OPHN1: variants seen among roughly 807,000 people sequenced by gnomAD.
OPHN1 encodes the protein oligophrenin 1.
A neutral mutation model predicts 60.7 loss-of-function variants in OPHN1; 11 were observed. The ratio of observed to expected loss-of-function variants is 0.18; its 90% CI spans 0.11 to 0.30. OPHN1 has a LOEUF of 0.30. Ranked by LOEUF, OPHN1 falls within the 10% of genes least tolerant of loss-of-function variation. The probability of loss-of-function intolerance (pLI) is 1.00; values close to 1 mark genes in which losing one functional copy is unlikely to be tolerated. For missense variants in OPHN1, 449 were observed against 611.0 expected (o/e 0.73, Z 2.80); for synonymous variants, 226 against 222.6 (o/e 1.02, Z -0.14).
At chrX:68,418,942 G>A (rs932440289) in intron 2 of OPHN1, among the ~76,000 whole-genome samples, 1 of 110,756 alleles carries the variant, frequency 9.0e-6, no homozygotes, top group African/African-American at 3.3e-5. Context: ...GGATGAAACT[G>A]GTTCCAAGCA....
chrX:68,414,541 T>C (rs1424799329), intron 2 of OPHN1, among the ~76,000 whole-genome samples: 1 of 112,549 alleles, frequency 8.9e-6, no homozygotes, highest in Non-Finnish European at 1.9e-5. Context: ...TTTTTTAAAA[T>C]ATATACTTAA....
At chrX:68,295,090 G>A (rs1003748224) in intron 3 of OPHN1, among the ~76,000 whole-genome samples, 1 of 111,480 alleles carries the variant, frequency 9.0e-6, no homozygotes, top group African/African-American at 3.3e-5. Context: ...CCTGGGCTCC[G>A]CTATAGAAAT....
intron 19 of OPHN1, among the ~76,000 whole-genome samples, chrX:68,081,546 C>T (rs2076974587): frequency 8.9e-6 from 1 of 111,904 alleles, no homozygotes; most frequent in Non-Finnish European, 1.9e-5. Context: ...AACTGAGCCA[C>T]ACAATTTTTT....
intron 15 of OPHN1, among the ~76,000 whole-genome samples, chrX:68,171,016 C>T (rs2077388485): frequency 9.0e-6 from 1 of 110,675 alleles, no homozygotes; most frequent in African/African-American, 3.3e-5. Flanking sequence ...TTAATAGGTA[C>T]AAAAATATGG....
intron 2 of OPHN1, among the ~76,000 whole-genome samples, chrX:68,343,420 TA>T (rs2078364435): frequency 9.1e-6 from 1 of 109,377 alleles, no homozygotes; most frequent in African/African-American, 3.3e-5. Flanking sequence ...CCGTCTCTAC[TA>T]AAAATACAAA....
intron 15 of OPHN1, among the ~76,000 whole-genome samples, chrX:68,120,466 A>G (rs748020808): frequency 1.8e-4 from 20 of 112,159 alleles, no homozygotes; most frequent in Non-Finnish European, 3.6e-4. Context: ...ACTAAAAACT[A>G]TAAAACACTG....
intron 2 of OPHN1, among the ~76,000 whole-genome samples, chrX:68,385,790 A>G (rs898825500): frequency 3.6e-5 from 4 of 112,284 alleles, no homozygotes; most frequent in African/African-American, 1.3e-4. Flanking sequence ...AAAAAATCAC[A>G]AACAGTGAAT....
At chrX:68,148,121 A>C (rs2077271211) in intron 15 of OPHN1, among the ~76,000 whole-genome samples, 1 of 111,575 alleles carries the variant, frequency 9.0e-6, no homozygotes, top group South Asian at 3.8e-4. Flanking sequence ...AGGAGAAAGC[A>C]GATCATTAAT....
At chrX:68,271,513 G>C (rs2077968887) in intron 5 of OPHN1, among the ~76,000 whole-genome samples, 1 of 110,790 alleles carries the variant, frequency 9.0e-6, no homozygotes, top group Admixed American at 9.6e-5. Context: ...ACCTCAGTAT[G>C]GGTGACAGAG....
intron 2 of OPHN1, among the ~76,000 whole-genome samples, chrX:68,318,782 C>T (rs2078221544): frequency 8.9e-6 from 1 of 111,784 alleles, no homozygotes; most frequent in Non-Finnish European, 1.9e-5. Flanking sequence ...CCTTAGGCTC[C>T]TTTTAGCTCT....
At chrX:68,277,607 T>C (rs1049165561) in intron 4 of OPHN1, among the ~76,000 whole-genome samples, 2 of 111,081 alleles carry the variant, frequency 1.8e-5, no homozygotes, top group Admixed American at 9.6e-5. Flanking sequence ...CTGGTCAAAA[T>C]GGTGAAACCC....
chrX:68,320,327 C>A (rs942723116), intron 2 of OPHN1, among the ~76,000 whole-genome samples: 1 of 110,839 alleles, frequency 9.0e-6, no homozygotes, highest in Non-Finnish European at 1.9e-5. Context: ...CCAGCCTGGG[C>A]GACAGAGTAA....
At chrX:68,224,943 G>C (rs1264678286) in intron 6 of OPHN1, among the ~76,000 whole-genome samples, 1 of 112,141 alleles carries the variant, frequency 8.9e-6, no homozygotes, top group Admixed American at 9.4e-5. Context: ...CCCTGGAAGC[G>C]CAAGGGGTTG....
At chrX:68,313,966 A>G (rs1336222356) in intron 2 of OPHN1, among the ~76,000 whole-genome samples, 1 of 111,400 alleles carries the variant, frequency 9.0e-6, no homozygotes, top group Non-Finnish European at 1.9e-5. Flanking sequence ...CCCCATAAGT[A>G]TATATACCTA....
chrX:68,079,519 C>T (rs2076966575), intron 19 of OPHN1, among the ~76,000 whole-genome samples: 2 of 112,095 alleles, frequency 1.8e-5, no homozygotes, highest in Non-Finnish European at 3.8e-5. Flanking sequence ...TACCTTTCTG[C>T]TTCTCTGAAC....
At chrX:68,199,800 C>T (rs1432350639) in intron 11 of OPHN1, among the ~76,000 whole-genome samples, 2 of 112,851 alleles carry the variant, frequency 1.8e-5, no homozygotes, top group Non-Finnish European at 3.7e-5. Context: ...GTGGCTCACG[C>T]CTATAATCCC....
intron 15 of OPHN1, among the ~76,000 whole-genome samples, chrX:68,150,939 A>G (rs969759649): frequency 5.4e-5 from 6 of 112,069 alleles, no homozygotes; most frequent in Admixed American, 2.8e-4. Flanking sequence ...TGAAATATAC[A>G]TGTCTCTCTA....
chrX:68,354,337 C>G (rs775176728), intron 2 of OPHN1, among the ~76,000 whole-genome samples: 1 of 102,362 alleles, frequency 9.8e-6, no homozygotes, highest in Admixed American at 1.1e-4. Context: ...CCCAGCTACT[C>G]GGGAGACCGA....
At chrX:68,404,726 T>C (rs892506811) in intron 2 of OPHN1, among the ~76,000 whole-genome samples, 3 of 111,160 alleles carry the variant, frequency 2.7e-5, no homozygotes, top group African/African-American at 9.8e-5. Flanking sequence ...GAATAGAAAC[T>C]TAAAAAAGAA....
Sources: gnomAD v4.1 joint callset for allele counts (sites outside exome capture counted in the v4.1 genomes callset) on GRCh38, gnomAD v4.1.1 for gene constraint, MANE v1.5 for transcripts, NCBI Gene and HGNC (gene_info 2026-07-23, HGNC 2026-07-21) for gene names.